The following ROBO2 variants were observed in gnomAD, a reference collection of about 807,000 sequenced individuals.
ROBO2 encodes roundabout guidance receptor 2, also known as roundabout homolog 2.
In ROBO2, 53 loss-of-function variants were observed where a neutral mutation model predicts 160.8. The ratio of observed to expected loss-of-function variants is 0.33; its 90% CI spans 0.26 to 0.41. ROBO2 has a LOEUF of 0.41. Among genes scored for constraint, ROBO2 ranks in the 10% least tolerant of loss-of-function variants. ROBO2 has a pLI of 1.00. For missense variants in ROBO2, 1,577 were observed against 1,722.4 expected (o/e 0.92, Z 1.49); for synonymous variants, 664 against 611.7 (o/e 1.09, Z -1.26).
chr3:76,977,984 G>A (rs1459511761), intron 2 of ROBO2, among the ~76,000 whole-genome samples: 3 of 152,264 alleles, frequency 2.0e-5, no homozygotes, highest in Middle Eastern at 3.4e-3. Context: ...ATTCTAAAAT[G>A]CATGAATTTC....
rs113035841 is a variant in ROBO2, at chr3:77,014,726, C to T, written c.110-83288C>T. ...GGTGGTCAAAGGACCACCTAAATTT[C>T]ACTCTATTATCAGAGGGAAGAAAAG... On this transcript the variant is annotated intron_variant, in intron 2 of 26. Coordinates refer to the ROBO2 transcript ENST00000487694. Among the ~76,000 whole-genome samples the T allele has an allele frequency of 2.9e-3, 436 of 152,186 alleles. 1 individual carries two copies. The highest frequency in any genetic ancestry group is 0.01 in the African/African-American group (418 of 41,512).
At chr3:77,360,508 T>C (rs549705792) in intron 2 of ROBO2, among the ~76,000 whole-genome samples, 8 of 152,304 alleles carry the variant, frequency 5.3e-5, no homozygotes, top group African/African-American at 1.9e-4. Context: ...CTTGGGCTTA[T>C]ACAGATAATG....
At chr3:76,169,786 ATTC>A (rs1460010754) in intron 2 of ROBO2, among the ~76,000 whole-genome samples, 3 of 151,676 alleles carry the variant, frequency 2.0e-5, no homozygotes, top group East Asian at 1.9e-4. Flanking sequence ...ATTGTTAAGG[ATTC>A]TTCTTTTTTT....
intron 5 of ROBO2, among the ~76,000 whole-genome samples, chr3:77,501,092 G>A (rs2087534288): frequency 6.6e-6 from 1 of 152,170 alleles, no homozygotes; most frequent in Admixed American, 6.5e-5. Flanking sequence ...CACAGTAGGT[G>A]TGTTTCTTCC....
chr3:75,991,048 AG>A (rs2065553006), intron 2 of ROBO2, among the ~76,000 whole-genome samples: 1 of 152,146 alleles, frequency 6.6e-6, no homozygotes, highest in Non-Finnish European at 1.5e-5. Context: ...CTTCAAACTG[AG>A]CCTGAATTAT....
intron 2 of ROBO2, among the ~76,000 whole-genome samples, chr3:76,493,921 G>A (rs1181233612): frequency 1.3e-5 from 2 of 152,100 alleles, no homozygotes; most frequent in African/African-American, 4.8e-5. Flanking sequence ...CATCTAAAGA[G>A]ATACTTAACA....
chr3:77,408,828 GA>G (rs1443372522), intron 2 of ROBO2, among the ~76,000 whole-genome samples: 4 of 151,966 alleles, frequency 2.6e-5, no homozygotes, highest in Non-Finnish European at 2.9e-5. Context: ...GGGATCAAGG[GA>G]TCTTCCTGCC....
chr3:76,329,402 G>A (rs1417645159), intron 2 of ROBO2, among the ~76,000 whole-genome samples: 3 of 152,158 alleles, frequency 2.0e-5, no homozygotes, highest in Non-Finnish European at 2.9e-5. Context: ...ACTTTTAGTA[G>A]AGATGGGGTT....
chr3:76,735,752 C>T (rs1376197958), intron 2 of ROBO2, among the ~76,000 whole-genome samples: 2 of 97,342 alleles, frequency 2.1e-5, no homozygotes, highest in African/African-American at 4.9e-5. Flanking sequence ...GGAGGGAGAC[C>T]CTGTCTCAAA....
intron 2 of ROBO2, among the ~76,000 whole-genome samples, chr3:77,399,354 T>A (rs1163795227): frequency 2.0e-5 from 3 of 152,184 alleles, no homozygotes; most frequent in Non-Finnish European, 4.4e-5. Context: ...GTAGTCAGGA[T>A]AAGTTTTATG....
intron 2 of ROBO2, among the ~76,000 whole-genome samples, chr3:76,975,835 T>C (rs954044889): frequency 2.0e-5 from 3 of 152,180 alleles, no homozygotes; most frequent in Non-Finnish European, 4.4e-5. Flanking sequence ...CAAACTTTGT[T>C]TCTCCAAAAC....
intron 2 of ROBO2, among the ~76,000 whole-genome samples, chr3:76,351,349 A>T (rs1299173813): frequency 1.3e-5 from 2 of 151,938 alleles, no homozygotes; most frequent in Non-Finnish European, 2.9e-5. Flanking sequence ...TGTTAAAAGT[A>T]ATGTAAGAGT....
intron 2 of ROBO2, among the ~76,000 whole-genome samples, chr3:77,396,522 C>T (rs1045016098): frequency 6.6e-6 from 1 of 152,096 alleles, no homozygotes; most frequent in Non-Finnish European, 1.5e-5. Context: ...GACAATTATG[C>T]AGAATCATTA....
At chr3:76,458,848 A>G (rs2077926720) in intron 2 of ROBO2, among the ~76,000 whole-genome samples, 1 of 152,148 alleles carries the variant, frequency 6.6e-6, no homozygotes. Context: ...TCATGAAAAT[A>G]GCATGGGAAA....
At chr3:75,958,500 A>C (rs1948795750) in intron 2 of ROBO2, among the ~76,000 whole-genome samples, 2 of 151,754 alleles carry the variant, frequency 1.3e-5, no homozygotes, top group Non-Finnish European at 2.9e-5. Flanking sequence ...CTGTAAGAAA[A>C]AATAATAGGG....
chr3:76,786,449 A>G (rs2062981230), intron 2 of ROBO2, among the ~76,000 whole-genome samples: 2 of 151,414 alleles, frequency 1.3e-5, no homozygotes, highest in South Asian at 4.2e-4. Flanking sequence ...GGAAGTAGGC[A>G]TATCTTACAA....
At chr3:76,637,732 A>G (rs184724237) in intron 2 of ROBO2, among the ~76,000 whole-genome samples, 1 of 152,308 alleles carries the variant, frequency 6.6e-6, no homozygotes, top group Admixed American at 6.5e-5. Flanking sequence ...TATAGAAACT[A>G]TATTATGCAT....
At chr3:77,120,510 A>G (rs1191954769) in intron 2 of ROBO2, among the ~76,000 whole-genome samples, 1 of 152,176 alleles carries the variant, frequency 6.6e-6, no homozygotes, top group African/African-American at 2.4e-5. Context: ...TTAAATGTGG[A>G]GTAGCTGCAC....
At chr3:77,622,084 C>T in intron 22 of ROBO2, 143 bp from the exon 24 acceptor site, 2 of 697,928 alleles carry the variant, frequency 2.9e-6, no homozygotes, top group South Asian at 3.9e-5. Context: ...ATTGTTTCTG[C>T]TGAAAGCATT....
Sources: gnomAD v4.1 joint callset for allele counts (sites outside exome capture counted in the v4.1 genomes callset) on GRCh38, gnomAD v4.1.1 for gene constraint, MANE v1.5 for transcripts, NCBI Gene and HGNC (gene_info 2026-07-23, HGNC 2026-07-21) for gene names.